IGF1R: variants seen among roughly 807,000 people sequenced by gnomAD.
IGF1R encodes the protein insulin-like growth factor 1 receptor.
A neutral mutation model predicts 144.6 loss-of-function variants in IGF1R; 44 were observed. The observed-to-expected ratio is 0.30, with a 90% CI of 0.24 to 0.39. The LOEUF (loss-of-function observed/expected upper bound fraction) is 0.39. Ranked by LOEUF, IGF1R falls within the 10% of genes least tolerant of loss-of-function variation. The pLI, the probability that IGF1R is intolerant of heterozygous loss-of-function variation, is 1.00. For missense variants in IGF1R, 1,355 were observed against 1,833.7 expected (o/e 0.74, Z 4.77); for synonymous variants, 795 against 722.8 (o/e 1.10, Z -1.60).
At chr15:98,810,057 G>A (rs1262540230) in intron 2 of IGF1R, among the ~76,000 whole-genome samples, 1 of 151,856 alleles carries the variant, frequency 6.6e-6, no homozygotes, top group Non-Finnish European at 1.5e-5. Flanking sequence ...AACCACTTTG[G>A]TGGTTACAGT....
At chr15:98,905,884 A>G (rs1341506925) in intron 5 of IGF1R, among the ~76,000 whole-genome samples, 2 of 152,186 alleles carry the variant, frequency 1.3e-5, no homozygotes, top group Non-Finnish European at 2.9e-5. Context: ...CATGGAAGGA[A>G]TTTAGCGGGG....
intron 2 of IGF1R, among the ~76,000 whole-genome samples, chr15:98,876,364 A>G (rs1301685256): frequency 2.0e-5 from 3 of 151,630 alleles, no homozygotes; most frequent in Admixed American, 6.6e-5. Context: ...TCCTTCATCC[A>G]CGTTTTATAA....
chr15:98,666,731 A>G (rs1215103172), intron 1 of IGF1R, among the ~76,000 whole-genome samples: 1 of 152,094 alleles, frequency 6.6e-6, no homozygotes, highest in African/African-American at 2.4e-5. Flanking sequence ...GGCGGTGAAT[A>G]GAGGCTGGGG....
intron 2 of IGF1R, among the ~76,000 whole-genome samples, chr15:98,779,010 A>G (rs922017601): frequency 6.6e-6 from 1 of 152,202 alleles, no homozygotes; most frequent in African/African-American, 2.4e-5. Flanking sequence ...TGCATAATAC[A>G]TTTTAAATAA....
chr15:98,660,683 G>A (rs989928688), intron 1 of IGF1R: 12 of 152,282 alleles, frequency 7.9e-5, no homozygotes, highest in South Asian at 2.1e-4. Context: ...TGTTTGATTA[G>A]GCTTTTTGCA....
intron 1 of IGF1R, among the ~76,000 whole-genome samples, chr15:98,696,763 A>AT (rs1030494449): frequency 5.3e-5 from 8 of 151,916 alleles, no homozygotes; most frequent in South Asian, 4.2e-4. Flanking sequence ...TCTTCAGGTG[A>AT]TTTTTTTTGG....
intron 2 of IGF1R, among the ~76,000 whole-genome samples, chr15:98,748,671 A>G (rs1402096243): frequency 6.6e-6 from 1 of 152,236 alleles, no homozygotes; most frequent in Non-Finnish European, 1.5e-5. Flanking sequence ...ATGACTTATA[A>G]TATTCACTTG....
intron 2 of IGF1R, among the ~76,000 whole-genome samples, chr15:98,827,671 C>A (rs1377679765): frequency 6.6e-6 from 1 of 152,208 alleles, no homozygotes; most frequent in Non-Finnish European, 1.5e-5. Flanking sequence ...CAACCTCTGC[C>A]TTCCGGGTTC....
At chr15:98,755,782 TAA>T (rs55814903) in intron 2 of IGF1R, among the ~76,000 whole-genome samples, 127,071 of 141,624 alleles carry the variant, frequency 0.9, 57,981 homozygotes, top group Non-Finnish European at 0.99. Flanking sequence ...CTGATTTAAA[TAA>T]AAAAATGTGT....
intron 2 of IGF1R, among the ~76,000 whole-genome samples, chr15:98,773,116 C>T (rs1489150122): frequency 1.3e-5 from 2 of 152,138 alleles, no homozygotes; most frequent in African/African-American, 2.4e-5. Context: ...AGCGTGTGAA[C>T]TTTTATGATT....
chr15:98,744,753 A>G (rs1270311538), intron 2 of IGF1R, among the ~76,000 whole-genome samples: 1 of 150,694 alleles, frequency 6.6e-6, no homozygotes, highest in Non-Finnish European at 1.5e-5. Context: ...CGGTAATGCA[A>G]ACTGCTCTGT....
At chr15:98,947,873 G>T (rs926139937) in intron 19 of IGF1R, among the ~76,000 whole-genome samples, 5 of 152,176 alleles carry the variant, frequency 3.3e-5, no homozygotes, top group African/African-American at 7.2e-5. Context: ...TGTTGTGGGT[G>T]GGGGAGCAGC....
At chr15:98,654,380 G>A (rs1432896599) in intron 1 of IGF1R, among the ~76,000 whole-genome samples, 1 of 152,158 alleles carries the variant, frequency 6.6e-6, no homozygotes, top group Non-Finnish European at 1.5e-5. Flanking sequence ...TGCATAGCAT[G>A]TTTTGAGTTG....
intron 2 of IGF1R, among the ~76,000 whole-genome samples, chr15:98,847,471 CA>C (rs2011377326): frequency 6.6e-6 from 1 of 152,148 alleles, no homozygotes; most frequent in South Asian, 2.1e-4. Flanking sequence ...TGCTTTCTAC[CA>C]CTTACTTACA....
chr15:98,751,525 C>T (rs73475642), intron 2 of IGF1R, among the ~76,000 whole-genome samples: 2,034 of 152,196 alleles, frequency 0.013, 44 homozygotes, highest in African/African-American at 0.046. Flanking sequence ...ATGAAGGAAC[C>T]GTAACATTCT....
At chr15:98,800,832 G>C (rs779498724) in intron 2 of IGF1R, among the ~76,000 whole-genome samples, 3 of 152,210 alleles carry the variant, frequency 2.0e-5, no homozygotes, top group African/African-American at 4.8e-5. Flanking sequence ...GGCCCAGAAG[G>C]GGGAGGAGAG....
At chr15:98,850,748 G>C (rs770044373) in intron 2 of IGF1R, among the ~76,000 whole-genome samples, 3 of 152,162 alleles carry the variant, frequency 2.0e-5, no homozygotes, top group East Asian at 1.9e-4. Flanking sequence ...CACTTGGTGG[G>C]GGGGGGTACC....
chr15:98,678,330 G>A (rs1379455473), intron 1 of IGF1R, among the ~76,000 whole-genome samples: 1 of 152,038 alleles, frequency 6.6e-6, no homozygotes, highest in East Asian at 1.9e-4. Flanking sequence ...GTTCTCTTTA[G>A]ATGAGTTCTT....
At chr15:98,736,851 A>G (rs978091391) in intron 2 of IGF1R, among the ~76,000 whole-genome samples, 4 of 152,158 alleles carry the variant, frequency 2.6e-5, no homozygotes, top group East Asian at 1.9e-4. Context: ...AGCTCAGGCA[A>G]TCCGCCTATC....
Sources: allele counts gnomAD v4.1 joint callset (sites outside exome capture counted in the v4.1 genomes callset), GRCh38; gene constraint gnomAD v4.1.1; transcripts MANE v1.5; gene names NCBI Gene and HGNC (gene_info 2026-07-23, HGNC 2026-07-21).